The following GLT6D1 variants were observed in gnomAD, a reference collection of about 807,000 sequenced individuals.
GLT6D1 encodes the protein glycosyltransferase 6 domain containing 1.
Under a neutral mutation model 12.3 loss-of-function variants are expected in GLT6D1, and 9 were observed. That is an observed-to-expected ratio of 0.73 (90% confidence interval 0.44 to 1.27). The LOEUF (loss-of-function observed/expected upper bound fraction) is 1.27, where lower values mean the gene tolerates loss of function less well. GLT6D1 is among the 50% of genes most tolerant of loss of function. The pLI is 0.00. For missense variants in GLT6D1, 335 were observed against 346.2 expected, an observed-to-expected ratio of 0.97 and a Z score of 0.26; for synonymous variants, 128 against 132.3, an observed-to-expected ratio of 0.97 and a Z score of 0.23.
At position 135,623,981 on chromosome 9, in the gene GLT6D1, C is replaced by T. The variant is rs2119124072; in HGVS notation, c.*116G>A. ...AAATTGCCGTGATTCATTTATTCGT[C>T]ATAAACCTCATGGCGTAATTCATAA... On this transcript the variant is annotated 3_prime_UTR_variant, in exon 5 of 5. Coordinates refer to ENST00000371763, the MANE Select transcript of GLT6D1 (RefSeq NM_182974.3). 1.6e-5 allele frequency: 11 copies of T among 696,638 alleles called. No individual in the cohort carries two copies. The South Asian group carries it at 2.1e-4, about 13-fold the overall frequency. The allele number at this position is 696,638 out of a possible 1,614,324, so 43.2% of individuals were successfully genotyped here. A position where few individuals can be genotyped will look rare whatever the true frequency, so the allele number is the denominator to read the frequency against.
intron 3 of GLT6D1, 111 bp from the exon 4 acceptor site, chr9:135,626,317 G>T: frequency 8.8e-7 from 1 of 1,136,908 alleles, no homozygotes; most frequent in Admixed American, 2.1e-5. Context: ...GCCCAGCTCC[G>T]TGTTTGAGTG....
intron 4 of GLT6D1, 145 bp downstream of exon 4, chr9:135,625,924 G>C (rs1042177258): frequency 3.4e-6 from 3 of 871,368 alleles, no homozygotes; most frequent in Admixed American, 2.8e-5. Flanking sequence ...GGTTTGGACA[G>C]GTAAGTTTGT....
chr9:135,630,974 T>G (rs1833632099), intron 3 of GLT6D1, among the ~76,000 whole-genome samples: 1 of 90,710 alleles, frequency 1.1e-5, no homozygotes, highest in South Asian at 4.3e-4. Flanking sequence ...AAGTCATATA[T>G]CTGTGTAAAA....
intron 2 of GLT6D1, among the ~76,000 whole-genome samples, chr9:135,634,127 G>A (rs1000887478): frequency 1.3e-5 from 2 of 152,050 alleles, no homozygotes; most frequent in African/African-American, 4.8e-5. Context: ...AGTGGGGGTG[G>A]TCATTTTGTT....
intron 2 of GLT6D1, among the ~76,000 whole-genome samples, chr9:135,635,165 A>G (rs1413801226): frequency 2.6e-5 from 4 of 152,130 alleles, no homozygotes; most frequent in African/African-American, 9.7e-5. Context: ...TTACATCAGT[A>G]TGAACTTGTG....
At chr9:135,633,598 G>T (rs748801577) in intron 2 of GLT6D1, among the ~76,000 whole-genome samples, 1 of 152,032 alleles carries the variant, frequency 6.6e-6, no homozygotes, top group Non-Finnish European at 1.5e-5. Context: ...CAAAACACAG[G>T]ACATCTCTTC....
At chr9:135,632,015 G>A (rs1833659359) in intron 2 of GLT6D1, among the ~76,000 whole-genome samples, 1 of 152,076 alleles carries the variant, frequency 6.6e-6, no homozygotes, top group African/African-American at 2.4e-5. Flanking sequence ...TGGGACCACA[G>A]GCACAAGCTA....
chr9:135,623,942 C>T lies in GLT6D1; in HGVS notation c.*155G>A. 1 of 578,412 alleles carries T rather than the reference C, an allele frequency of 1.7e-6. No individual in the cohort carries two copies. Among genetic ancestry groups the T allele is most frequent in the Non-Finnish European group, 3.0e-6 (1 of 328,348 alleles). 35.8% of individuals were successfully genotyped at this position (578,412 alleles called of 1,614,324 possible). A position where few individuals can be genotyped will look rare whatever the true frequency, so the allele number is the denominator to read the frequency against. On this transcript the variant is annotated 3_prime_UTR_variant, in exon 5 of 5. Transcript: ENST00000371763. ...TAAAAAATGGAAGGTCTTAAGACTTCCCTCATTTATAAGAAATTGCCGTGA... is the reference window on the plus strand; with the variant it reads ...TAAAAAATGGAAGGTCTTAAGACTTTCCTCATTTATAAGAAATTGCCGTGA...
At chr9:135,630,135 G>A (rs978436324) in intron 3 of GLT6D1, among the ~76,000 whole-genome samples, 6 of 152,126 alleles carry the variant, frequency 3.9e-5, no homozygotes, top group African/African-American at 1.4e-4. Context: ...GCCAGGCGTG[G>A]TGGCTCACAC....
intron 2 of GLT6D1, among the ~76,000 whole-genome samples, chr9:135,634,217 C>T (rs908306464): frequency 6.6e-6 from 1 of 152,118 alleles, no homozygotes; most frequent in Admixed American, 6.5e-5. Context: ...CAACCTCCGC[C>T]TCCCAGATTC....
In GLT6D1 at chr9:135,635,763, G is replaced by A. The variant is rs565656424; in HGVS notation, c.71+3354C>T. Among the ~76,000 whole-genome samples the A allele has an allele frequency of 2.0e-4, 30 of 152,238 alleles. 1 individual carries two copies. Among genetic ancestry groups the A allele is most frequent in the Admixed American group, 1.6e-3 (24 of 15,292 alleles). ...CGTATTTCCACATATCTTTAAACAC[G>A]TTGACACGTAAATGTCTCTGTTCAT... On this transcript the variant is annotated intron_variant, in intron 2 of 4. Coordinates refer to ENST00000371763, the MANE Select transcript of GLT6D1 (RefSeq NM_182974.3).
chr9:135,623,964 G>A lies in GLT6D1; in HGVS notation c.*133C>T, dbSNP rs567836963. On this transcript the variant is annotated 3_prime_UTR_variant, in exon 5 of 5. Coordinates refer to ENST00000371763, the MANE Select transcript of GLT6D1 (RefSeq NM_182974.3). The stretch of plus-strand genomic sequence containing the variant: ...CTTCCCTCATTTATAAGAAATTGCC[G>A]TGATTCATTTATTCGTCATAAACCT... 1.9e-4 allele frequency: 119 copies of A among 616,854 alleles called. No homozygotes were observed. Among genetic ancestry groups the A allele is most frequent in the African/African-American group, 1.3e-3 (67 of 52,818 alleles). 38.2% of individuals were successfully genotyped at this position (616,854 alleles called of 1,614,324 possible).
At chr9:135,634,231 C>T (rs374076003) in intron 2 of GLT6D1, among the ~76,000 whole-genome samples, 1 of 152,094 alleles carries the variant, frequency 6.6e-6, no homozygotes, top group African/African-American at 2.4e-5. Context: ...CAGATTCAAG[C>T]TATTCTCCTG....
At chr9:135,633,218 G>A (rs181132160) in intron 2 of GLT6D1, among the ~76,000 whole-genome samples, 103 of 152,096 alleles carry the variant, frequency 6.8e-4, no homozygotes, top group Admixed American at 2.2e-3. Flanking sequence ...AAATATTCTC[G>A]CCGGCTGAGA....
intron 2 of GLT6D1, among the ~76,000 whole-genome samples, chr9:135,632,933 G>T (rs1833682204): frequency 6.6e-6 from 1 of 152,154 alleles, no homozygotes. Context: ...CTCCCAGAGT[G>T]CTGGGATTAC....
chr9:135,624,363 G>A lies in GLT6D1; in HGVS notation c.565C>T (p.Pro189Ser), dbSNP rs1833434666. 1.2e-6 allele frequency: 2 copies of A among 1,613,992 alleles called. No individual in the cohort carries two copies. The part of the protein sequence containing the change: ...QNEFGVETLG[P>S]LVAQLHAWWY... The stretch of plus-strand genomic sequence containing the variant: ...CAGGCGTGGAGCTGGGCCACCAACG[G>A]GCCCAGGGTCTCCACCCCGAACTCA... The change falls in exon 5 of 5, where the codon CCG becomes TCG. Residue 189 changes from proline to serine, a missense_variant. By Grantham distance (74) the Pro-to-Ser change is moderately conservative. Coordinates refer to ENST00000371763, the MANE Select transcript of GLT6D1 (RefSeq NM_182974.3).
chr9:135,631,824 G>T (rs1833655398), intron 2 of GLT6D1, among the ~76,000 whole-genome samples: 1 of 152,170 alleles, frequency 6.6e-6, no homozygotes. Context: ...AAACATTAGT[G>T]GTTCTGCTCT....
intron 2 of GLT6D1, among the ~76,000 whole-genome samples, 191 bp downstream of exon 2, chr9:135,638,926 G>A (rs1318614914): frequency 2.0e-5 from 3 of 152,146 alleles, no homozygotes; most frequent in Non-Finnish European, 4.4e-5. Context: ...CAGCTACTCA[G>A]GAGGCTGAGG....
In GLT6D1 at chr9:135,624,638, T is replaced by C. The variant is rs775971210; in HGVS notation, c.290A>G (p.His97Arg). 2.5e-6 allele frequency: 4 copies of C among 1,599,434 alleles called. No homozygotes were observed. Among genetic ancestry groups the C allele is most frequent in the Non-Finnish European group, 3.4e-6 (4 of 1,171,074 alleles). The change falls in exon 5 of 5, where the codon CAC (histidine) becomes CGC (arginine). Residue 97 changes from histidine to arginine, a missense_variant. His to Arg is a conservative substitution (Grantham distance 29). Transcript: ENST00000371763. ...FAEEYLRPFL[H>R]SANKHFMTGY... ...TGTCATGAAGTGCTTATTTGCGGAG[T>C]GTAGGAACGGCCTCAGGTACTCCTC...
Sources: allele counts gnomAD v4.1 joint callset (sites outside exome capture counted in the v4.1 genomes callset), GRCh38; gene constraint gnomAD v4.1.1; transcripts MANE v1.5; gene names NCBI Gene and HGNC (gene_info 2026-07-23, HGNC 2026-07-21).